Variants in GRIK4 observed in about 807,000 individuals in gnomAD.
The protein encoded by GRIK4 is glutamate receptor ionotropic, kainate 4.
Under a neutral mutation model 104.9 loss-of-function variants are expected in GRIK4, and 40 were observed. That is an observed-to-expected ratio of 0.38 (90% confidence interval 0.30 to 0.50). The LOEUF (loss-of-function observed/expected upper bound fraction) is 0.50. Among genes scored for constraint, GRIK4 ranks in the 20% least tolerant of loss-of-function variants. GRIK4 has a pLI of 0.93. For missense variants in GRIK4, 1,047 were observed against 1,308.1 expected, an observed-to-expected ratio of 0.80 and a Z score of 3.08; for synonymous variants, 485 against 524.9, an observed-to-expected ratio of 0.92 and a Z score of 1.04.
chr11:120,617,668 T>C (rs1228957695), intron 1 of GRIK4, among the ~76,000 whole-genome samples: 3 of 152,206 alleles, frequency 2.0e-5, no homozygotes, highest in Non-Finnish European at 4.4e-5. Flanking sequence ...AATGAGTTCT[T>C]GTGAGATCTG....
At chr11:120,667,344 C>T (rs1318220775) in intron 3 of GRIK4, among the ~76,000 whole-genome samples, 2 of 152,218 alleles carry the variant, frequency 1.3e-5, no homozygotes, top group Non-Finnish European at 2.9e-5. Flanking sequence ...TTGATGTAGA[C>T]CTGGGCTGTC....
At chr11:120,643,934 G>T (rs971482957) in intron 1 of GRIK4, among the ~76,000 whole-genome samples, 10 of 151,664 alleles carry the variant, frequency 6.6e-5, no homozygotes, top group African/African-American at 2.4e-4. Flanking sequence ...TACTGCTTAG[G>T]CTTTAGTAAT....
In GRIK4 at chr11:120,986,388, C is replaced by G. The variant is rs1944754627; in HGVS notation, c.*128C>G. On this transcript the variant is annotated 3_prime_UTR_variant, in exon 21 of 21. Coordinates refer to ENST00000527524, the MANE Select transcript of GRIK4 (RefSeq NM_014619.5). ...CCTCTCCAGATTTCGGATCCAGTCA[C>G]TTTTCAAAAAGATCAAGGAGCCTGA... The G allele has an allele frequency of 1.6e-6, 2 of 1,243,920 alleles. No individual in the cohort carries two copies. Among genetic ancestry groups the G allele is most frequent in the Non-Finnish European group, 2.1e-6 (2 of 952,422 alleles). 77.1% of individuals were successfully genotyped at this position (1,243,920 alleles called of 1,614,324 possible). A position where few individuals can be genotyped will look rare whatever the true frequency, so the allele number is the denominator to read the frequency against.
At chr11:120,750,665 G>A (rs957233084) in intron 3 of GRIK4, among the ~76,000 whole-genome samples, 4 of 152,054 alleles carry the variant, frequency 2.6e-5, no homozygotes, top group African/African-American at 9.7e-5. Context: ...TGCCACCCCC[G>A]GCCTGGAAAC....
intron 3 of GRIK4, among the ~76,000 whole-genome samples, chr11:120,796,699 G>A (rs1484439241): frequency 6.6e-6 from 1 of 152,154 alleles, no homozygotes; most frequent in Non-Finnish European, 1.5e-5. Context: ...CACCTTGTTG[G>A]GGGTGGAGGG....
At chr11:120,701,552 T>A (rs1448400282) in intron 3 of GRIK4, among the ~76,000 whole-genome samples, 2 of 152,236 alleles carry the variant, frequency 1.3e-5, no homozygotes, top group Non-Finnish European at 2.9e-5. Flanking sequence ...TTCTATATCT[T>A]GGCTAATGTG....
At chr11:120,594,974 A>G (rs1197337700) in intron 1 of GRIK4, among the ~76,000 whole-genome samples, 1 of 152,210 alleles carries the variant, frequency 6.6e-6, no homozygotes, top group African/African-American at 2.4e-5. Context: ...CACTGTCCAC[A>G]TACCGAGGAA....
intron 3 of GRIK4, among the ~76,000 whole-genome samples, chr11:120,802,298 C>T (rs1952634885): frequency 6.6e-6 from 1 of 152,168 alleles, no homozygotes; most frequent in Non-Finnish European, 1.5e-5. Context: ...GAGAGTTTCT[C>T]ATATGTTCAG....
intron 8 of GRIK4, among the ~76,000 whole-genome samples, chr11:120,841,774 T>G (rs1953722467): frequency 6.6e-6 from 1 of 152,256 alleles, no homozygotes; most frequent in African/African-American, 2.4e-5. Context: ...TTGACAATAC[T>G]TGCTATTTTT....
chr11:120,961,472 T>C (rs1260080437), intron 17 of GRIK4, among the ~76,000 whole-genome samples: 2 of 152,240 alleles, frequency 1.3e-5, no homozygotes, highest in Non-Finnish European at 2.9e-5. Context: ...ATTTTTAAAG[T>C]GATTTAAATC....
intron 9 of GRIK4, among the ~76,000 whole-genome samples, chr11:120,867,419 G>A (rs1173332508): frequency 6.6e-6 from 1 of 152,082 alleles, no homozygotes; most frequent in Non-Finnish European, 1.5e-5. Flanking sequence ...CCAGCCTCAT[G>A]GGGACGTTCT....
At chr11:120,707,909 C>A (rs1950657872) in intron 3 of GRIK4, among the ~76,000 whole-genome samples, 1 of 152,140 alleles carries the variant, frequency 6.6e-6, no homozygotes, top group Non-Finnish European at 1.5e-5. Flanking sequence ...GACTGAGCAA[C>A]CCACAAGAAC....
At chr11:120,596,311 AT>A (rs1948800489) in intron 1 of GRIK4, among the ~76,000 whole-genome samples, 1 of 152,278 alleles carries the variant, frequency 6.6e-6, no homozygotes, top group African/African-American at 2.4e-5. Flanking sequence ...AATTGTCTCC[AT>A]TCTTACATTC....
chr11:120,760,133 T>C (rs1163684716), intron 3 of GRIK4, among the ~76,000 whole-genome samples: 1 of 151,946 alleles, frequency 6.6e-6, no homozygotes, highest in Non-Finnish European at 1.5e-5. Flanking sequence ...TATGTCTCCC[T>C]ATTGTTTCTT....
In GRIK4 at chr11:120,847,865, T is replaced by A. The variant is rs982075452; in HGVS notation, c.744+11021T>A. Among the ~76,000 whole-genome samples the A allele has an allele frequency of 1.2e-4, 18 of 152,168 alleles. 1 individual carries two copies. The highest frequency in any genetic ancestry group is 1.2e-3 in the Admixed American group (18 of 15,280). On this transcript the variant is annotated intron_variant, in intron 8 of 20. Transcript: ENST00000527524. The stretch of plus-strand genomic sequence containing the variant: ...AAATCCCAGACCCAGGGATTACCAC[T>A]TGGATAGCTGTCAATAGGTGTCCCT...
intron 3 of GRIK4, among the ~76,000 whole-genome samples, chr11:120,732,207 C>G (rs1009729401): frequency 1.8e-4 from 28 of 152,190 alleles, no homozygotes; most frequent in Middle Eastern, 3.2e-3. Flanking sequence ...TCTTGGTTCA[C>G]TGCAACCTGT....
At chr11:120,614,660 G>A (rs1949083290) in intron 1 of GRIK4, among the ~76,000 whole-genome samples, 3 of 152,130 alleles carry the variant, frequency 2.0e-5, no homozygotes, top group Admixed American at 2.0e-4. Flanking sequence ...GAGCATTTTT[G>A]CAATTTTTAT....
At chr11:120,629,039 C>A (rs1565580601) in intron 1 of GRIK4, among the ~76,000 whole-genome samples, 1 of 152,218 alleles carries the variant, frequency 6.6e-6, no homozygotes, top group East Asian at 1.9e-4. Context: ...AGGCACGCGG[C>A]CGCTGATGGA....
chr11:120,839,474 T>C (rs950713175), intron 8 of GRIK4, among the ~76,000 whole-genome samples: 1 of 152,212 alleles, frequency 6.6e-6, no homozygotes, highest in Non-Finnish European at 1.5e-5. Context: ...CCTCGGGAGA[T>C]AATGTACACA....
Sources: allele counts gnomAD v4.1 joint callset (sites outside exome capture counted in the v4.1 genomes callset), GRCh38; gene constraint gnomAD v4.1.1; transcripts MANE v1.5; gene names NCBI Gene and HGNC (gene_info 2026-07-23, HGNC 2026-07-21).